The following RGL1 variants were observed in gnomAD, a reference collection of about 807,000 sequenced individuals.
RGL1 encodes the protein ral guanine nucleotide dissociation stimulator like 1.
RGL1 carries 24 observed loss-of-function variants against 95.2 expected under a neutral mutation model. The ratio of observed to expected loss-of-function variants is 0.25; its 90% CI spans 0.18 to 0.35. The LOEUF is 0.35. RGL1 is among the 10% of genes least tolerant of loss of function. RGL1 has a pLI of 1.00. For synonymous variants in RGL1, 329 were observed against 344.9 expected (o/e 0.95, Z 0.51); for missense variants, 715 against 936.3 (o/e 0.76, Z 3.08).
Position 183,780,836 on chromosome 1 carries a change from G to A in RGL1, c.133-25539G>A, listed in dbSNP as rs200803462. Among the ~76,000 whole-genome samples, 21 of 152,348 alleles carry A rather than the reference G, an allele frequency of 1.4e-4. No individual in the cohort carries two copies. In the East Asian group the frequency reaches 4.0e-3, roughly 29 times the overall value. ...ATTAATGAAGCTGCAGTTCAAGACT[G>A]TACACAAGAGTAAAAGACATTTTTC... On this transcript the variant is annotated intron_variant, in intron 2 of 18. Coordinates refer to the RGL1 transcript ENST00000304685.
intron 1 of RGL1, among the ~76,000 whole-genome samples, chr1:183,681,067 A>G (rs1042427277): frequency 3.9e-5 from 6 of 152,114 alleles, no homozygotes; most frequent in African/African-American, 1.4e-4. Flanking sequence ...GCTTAAGGAG[A>G]TTTTGGGCTG....
chr1:183,679,813 C>CTAATTTACACTCTCACTAACAGTG (rs1653088343), intron 1 of RGL1, among the ~76,000 whole-genome samples: 1 of 152,154 alleles, frequency 6.6e-6, no homozygotes, highest in Non-Finnish European at 1.5e-5. Context: ...AATGGTTGAA[C>CTAATTTACACTCTCACTAACAGTG]TAATTTACAC....
At chr1:183,741,417 A>T (rs1657296724) in intron 1 of RGL1, among the ~76,000 whole-genome samples, 1 of 152,172 alleles carries the variant, frequency 6.6e-6, no homozygotes, top group South Asian at 2.1e-4. Flanking sequence ...AGACCTTGTA[A>T]AATTGGTATC....
At chr1:183,701,940 A>AAAAAT (rs1393774926) in intron 1 of RGL1, among the ~76,000 whole-genome samples, 3 of 152,190 alleles carry the variant, frequency 2.0e-5, no homozygotes, top group Non-Finnish European at 2.9e-5. Context: ...CCATCTCGAA[A>AAAAAT]AAAATAAAAT....
At chr1:183,680,199 G>A (rs766175733) in intron 1 of RGL1, among the ~76,000 whole-genome samples, 5 of 151,850 alleles carry the variant, frequency 3.3e-5, no homozygotes, top group Non-Finnish European at 7.4e-5. Flanking sequence ...TTTTTTTGCT[G>A]TCCAGAAGCT....
At chr1:183,832,925 G>A (rs1167654610) in intron 2 of RGL1, among the ~76,000 whole-genome samples, 6 of 150,254 alleles carry the variant, frequency 4.0e-5, no homozygotes, top group Admixed American at 1.3e-4. Flanking sequence ...TATCACAGGA[G>A]GTAAGTGCTA....
intron 11 of RGL1, among the ~76,000 whole-genome samples, chr1:183,901,436 G>A (rs924017626): frequency 3.9e-5 from 6 of 152,146 alleles, no homozygotes; most frequent in African/African-American, 7.2e-5. Flanking sequence ...GCAGTGAGCC[G>A]AGATCGTGTC....
intron 1 of RGL1, among the ~76,000 whole-genome samples, chr1:183,692,966 T>G (rs931308740): frequency 2.6e-5 from 4 of 152,018 alleles, no homozygotes; most frequent in African/African-American, 9.7e-5. Flanking sequence ...AATTTTTTTT[T>G]TTTTTTGAGA....
At chr1:183,816,208 T>C (rs1405828705) in intron 2 of RGL1, among the ~76,000 whole-genome samples, 1 of 152,206 alleles carries the variant, frequency 6.6e-6, no homozygotes, top group Non-Finnish European at 1.5e-5. Flanking sequence ...ATTTTTATGC[T>C]TTAAAAAATA....
intron 6 of RGL1, 122 bp from the exon 7 acceptor site, chr1:183,884,601 T>C (rs981778364): frequency 1.8e-5 from 13 of 736,422 alleles, no homozygotes; most frequent in Admixed American, 7.9e-5. Context: ...ATGAGACAAA[T>C]CAAGTAGAAA....
intron 2 of RGL1, among the ~76,000 whole-genome samples, chr1:183,811,043 G>A (rs1321211523): frequency 6.6e-6 from 1 of 152,052 alleles, no homozygotes; most frequent in Non-Finnish European, 1.5e-5. Context: ...GACTAATATT[G>A]TTTTTATAAG....
chr1:183,694,016 G>A (rs1306813462), intron 1 of RGL1, among the ~76,000 whole-genome samples: 1 of 152,180 alleles, frequency 6.6e-6, no homozygotes, highest in Admixed American at 6.5e-5. Context: ...GGCTGCTATG[G>A]CATGGCACAA....
At chr1:183,871,104 C>CAAAAA (rs1558261692) in intron 4 of RGL1, among the ~76,000 whole-genome samples, 1 of 152,178 alleles carries the variant, frequency 6.6e-6, no homozygotes, top group Admixed American at 6.5e-5. Context: ...TTCTTTCTCT[C>CAAAAA]AAAAAATGAA....
intron 1 of RGL1, among the ~76,000 whole-genome samples, chr1:183,663,764 G>T (rs1174671): frequency 6.6e-6 from 1 of 150,762 alleles, no homozygotes; most frequent in Non-Finnish European, 1.5e-5. Flanking sequence ...ACGTGCACAC[G>T]TATGTTTATT....
intron 1 of RGL1, among the ~76,000 whole-genome samples, chr1:183,650,142 C>T (rs1359986881): frequency 6.6e-6 from 1 of 152,160 alleles, no homozygotes; most frequent in Non-Finnish European, 1.5e-5. Context: ...TCTATTCCCT[C>T]CAGTCTTTTT....
At chr1:183,769,965 G>C (rs1043648739) in intron 2 of RGL1, among the ~76,000 whole-genome samples, 11 of 152,282 alleles carry the variant, frequency 7.2e-5, no homozygotes, top group African/African-American at 2.6e-4. Context: ...CACTTCTCTA[G>C]ATTGCAAAGA....
chr1:183,790,923 T>TACACACAC lies in RGL1; in HGVS notation c.133-15438_133-15431dup, dbSNP rs66642623. 5.5e-4 allele frequency among the ~76,000 whole-genome samples: 82 copies of TACACACAC among 150,344 alleles called. No homozygotes were observed. In the East Asian group the frequency reaches 5.5e-3, roughly 10 times the overall value. ...ATAGCACAGATAGCACATGTATGTG[T>TACACACAC]ACACACACACACACACACACAATCT... On this transcript the variant is annotated intron_variant, in intron 2 of 18. Coordinates refer to the RGL1 transcript ENST00000304685.
intron 1 of RGL1, among the ~76,000 whole-genome samples, chr1:183,731,280 A>G (rs1383938940): frequency 6.6e-6 from 1 of 152,194 alleles, no homozygotes; most frequent in East Asian, 1.9e-4. Context: ...AAATTTACAT[A>G]TGTGAATAAG....
chr1:183,765,047 C>T (rs1658894021), intron 2 of RGL1, among the ~76,000 whole-genome samples: 2 of 152,180 alleles, frequency 1.3e-5, no homozygotes, highest in Admixed American at 1.3e-4. Flanking sequence ...GGGTGAACTC[C>T]TCTCTTTCCA....
Sources: gnomAD v4.1 joint callset for allele counts (sites outside exome capture counted in the v4.1 genomes callset) on GRCh38, gnomAD v4.1.1 for gene constraint, MANE v1.5 for transcripts, NCBI Gene and HGNC (gene_info 2026-07-23, HGNC 2026-07-21) for gene names.